The following STAG1 variants were observed in gnomAD, a reference collection of about 807,000 sequenced individuals.
STAG1 encodes STAG1 cohesin complex component.
STAG1 carries 26 observed loss-of-function variants against 170.9 expected under a neutral mutation model. The ratio of observed to expected loss-of-function variants is 0.15; its 90% CI spans 0.11 to 0.21. The LOEUF is 0.21. STAG1 is among the 10% of genes least tolerant of loss of function. The pLI, the probability that STAG1 is intolerant of heterozygous loss-of-function variation, is 1.00. For synonymous variants in STAG1, 514 were observed against 497.7 expected (o/e 1.03, Z -0.44); for missense variants, 964 against 1,509.5 (o/e 0.64, Z 5.99).
intron 23 of STAG1, among the ~76,000 whole-genome samples, chr3:136,375,938 C>G (rs563936644): frequency 9.4e-5 from 14 of 149,326 alleles, no homozygotes; most frequent in Non-Finnish European, 2.1e-4. Context: ...CACTGCACAC[C>G]AGCCCGGGCA....
intron 1 of STAG1, among the ~76,000 whole-genome samples, chr3:136,631,632 G>A (rs530660137): frequency 2.1e-4 from 32 of 152,274 alleles, no homozygotes; most frequent in African/African-American, 7.2e-4. Context: ...TTGATAGTAC[G>A]GTAGGCTGTG....
At chr3:136,494,214 G>A (rs938981139) in intron 9 of STAG1, among the ~76,000 whole-genome samples, 5 of 152,016 alleles carry the variant, frequency 3.3e-5, no homozygotes, top group African/African-American at 4.8e-5. Flanking sequence ...GAGGTTCTAC[G>A]GAGTTGTGAT....
At chr3:136,519,720 T>C (rs893712832) in intron 7 of STAG1, among the ~76,000 whole-genome samples, 1 of 152,028 alleles carries the variant, frequency 6.6e-6, no homozygotes, top group Admixed American at 6.6e-5. Flanking sequence ...TAACATTATA[T>C]AACTGTTTGA....
chr3:136,666,166 C>CAACAGCCA (rs1350353803), intron 1 of STAG1, among the ~76,000 whole-genome samples: 1 of 148,112 alleles, frequency 6.8e-6, no homozygotes, highest in Non-Finnish European at 1.5e-5. Context: ...TCCCCCAAGC[C>CAACAGCCA]AACAGCCAAC....
intron 28 of STAG1, among the ~76,000 whole-genome samples, chr3:136,350,229 C>T (rs1366882137): frequency 6.6e-6 from 1 of 152,128 alleles, no homozygotes; most frequent in Non-Finnish European, 1.5e-5. Flanking sequence ...CCCTTGTTTC[C>T]TTCTCCCTGC....
At chr3:136,664,496 C>G (rs1941686686) in intron 1 of STAG1, among the ~76,000 whole-genome samples, 1 of 152,124 alleles carries the variant, frequency 6.6e-6, no homozygotes, top group African/African-American at 2.4e-5. Flanking sequence ...AGCCTGCCAC[C>G]TAGTCAACCA....
rs1227677793 is a variant in STAG1 at position 136,337,131 on chromosome 3, A to AAGCTT, written c.*1118_*1122dup. 2.6e-4 allele frequency: 39 copies of AAGCTT among 152,774 alleles called. No homozygotes were observed. The highest frequency in any genetic ancestry group is 9.4e-4 in the African/African-American group (39 of 41,578). The allele number at this position is 152,774 out of a possible 1,614,324, so 9.5% of individuals were successfully genotyped here. ...CTGAAATGTAGCTGTAATTCAAGGT[A>AAGCTT]AGCTTAGGAACTTCACCCTCTAAGC... On this transcript the variant is annotated 3_prime_UTR_variant, in exon 34 of 34. Coordinates refer to ENST00000383202, the MANE Select transcript of STAG1 (RefSeq NM_005862.3).
intron 21 of STAG1, among the ~76,000 whole-genome samples, chr3:136,401,795 TG>T (rs1001437151): frequency 6.6e-6 from 1 of 152,214 alleles, no homozygotes; most frequent in South Asian, 2.1e-4. Flanking sequence ...TTTAATTTTT[TG>T]AGATCAAGTC....
At chr3:136,698,034 A>G (rs1170519906) in intron 1 of STAG1, among the ~76,000 whole-genome samples, 1 of 152,200 alleles carries the variant, frequency 6.6e-6, no homozygotes, top group African/African-American at 2.4e-5. Flanking sequence ...AAAAAAAGAA[A>G]GAAAGAAAAT....
Position 136,367,000 on chromosome 3 carries a change from G to T in STAG1, c.2628C>A (p.Ile876=). The T allele has an allele frequency of 6.2e-7, 1 of 1,611,286 alleles. No homozygotes were observed. Among genetic ancestry groups the T allele is most frequent in the African/African-American group, 1.3e-5 (1 of 74,982 alleles). ...RNLLAAFSKL[I]IYDIVDMHAA... ...CATGCATGTCAACAATGTCATAAAT[G>T]ATAAGTTTGCTGAAAGCAGCAAGTA... Residue 876 remains isoleucine (I), a synonymous_variant, in exon 25 of 34, where the codon ATC becomes ATA. Coordinates refer to ENST00000383202, the MANE Select transcript of STAG1 (RefSeq NM_005862.3).
intron 15 of STAG1, among the ~76,000 whole-genome samples, chr3:136,439,009 C>A (rs1426519383): frequency 6.6e-6 from 1 of 151,594 alleles, no homozygotes; most frequent in African/African-American, 2.4e-5. Context: ...CCAGCCTGGC[C>A]AACATGGGGA....
rs561348657 is a variant in STAG1, at chr3:136,651,233, G to C, written c.-83-20252C>G. Among the ~76,000 whole-genome samples, 130 of 152,050 alleles carry C rather than the reference G, an allele frequency of 8.5e-4. 1 individual carries two copies. The highest frequency in any genetic ancestry group is 2.4e-4 in the Non-Finnish European group (16 of 67,998). On this transcript the variant is annotated intron_variant, in intron 1 of 33. Transcript: ENST00000383202. Reference sequence around the variant, plus strand: ...TAAACAAAATTATCCCACTGTAGTGGTGCCTGCCTGTAACTCCTGATACTT... The same window carrying C: ...TAAACAAAATTATCCCACTGTAGTGCTGCCTGCCTGTAACTCCTGATACTT...
rs540934813 is a variant in STAG1 at position 136,377,386 on chromosome 3, C to CAGAAAAAAAA, written c.2370+273_2370+274insTTTTTTTTCT. ...TGGGCGACAGAGCGAGACTCTGTCT[C>CAGAAAAAAAA]AAAAAAAAAAAAAAAAAAAGTCTAC... is the stretch of plus-strand genomic sequence containing the variant. On this transcript the variant is annotated intron_variant, in intron 23 of 33. Coordinates refer to ENST00000383202, the MANE Select transcript of STAG1 (RefSeq NM_005862.3). 1.9e-4 allele frequency among the ~76,000 whole-genome samples: 8 copies of CAGAAAAAAAA among 42,582 alleles called. 2 individuals are homozygous for CAGAAAAAAAA. In the East Asian group the frequency reaches 4.9e-3, roughly 26 times the overall value. The allele number at this position is 42,582 out of a possible 152,430, so 27.9% of individuals were successfully genotyped here.
intron 5 of STAG1, among the ~76,000 whole-genome samples, chr3:136,567,218 T>A (rs1937112265): frequency 1.3e-5 from 2 of 152,192 alleles, no homozygotes; most frequent in African/African-American, 4.8e-5. Flanking sequence ...ATCCAACAGG[T>A]CTGTTGATTA....
At chr3:136,569,286 C>T (rs996732702) in intron 4 of STAG1, among the ~76,000 whole-genome samples, 1 of 150,298 alleles carries the variant, frequency 6.7e-6, no homozygotes, top group Admixed American at 6.7e-5. Context: ...TTCAAGAGTA[C>T]AAGAATGGCT....
intron 13 of STAG1, among the ~76,000 whole-genome samples, chr3:136,455,588 C>T (rs2089086855): frequency 1.3e-5 from 2 of 152,202 alleles, no homozygotes; most frequent in South Asian, 4.1e-4. Flanking sequence ...CTGATCACAG[C>T]AACTGGTGCA....
intron 29 of STAG1, among the ~76,000 whole-genome samples, chr3:136,347,794 C>G (rs1936289762): frequency 6.6e-6 from 1 of 152,132 alleles, no homozygotes; most frequent in Non-Finnish European, 1.5e-5. Flanking sequence ...TGTGTGTATA[C>G]TAAGTAGTTT....
rs747339467 is a variant in STAG1, at chr3:136,587,541, CAAAAAAAAAA to C, written c.297+16758_297+16767del. Among the ~76,000 whole-genome samples, 252 of 60,790 alleles carry C rather than the reference CAAAAAAAAAA, an allele frequency of 4.1e-3. 1 individual carries two copies. Among genetic ancestry groups the C allele is most frequent in the Admixed American group, 7.5e-3 (39 of 5,174 alleles). 39.9% of individuals were successfully genotyped at this position (60,790 alleles called of 152,430 possible). ...GGGTAACAAGAATGAAACTCCATCTCAAAAAAAAAAAAAAAAAAAAGCAATTTATAGCTTT... is the reference window on the plus strand; with the variant it reads ...GGGTAACAAGAATGAAACTCCATCTCAAAAAAAAAAGCAATTTATAGCTTT... On this transcript the variant is annotated intron_variant, in intron 4 of 33. Coordinates refer to ENST00000383202, the MANE Select transcript of STAG1 (RefSeq NM_005862.3).
chr3:136,595,692 A>C lies in STAG1; in HGVS notation c.297+8617T>G, dbSNP rs1284002845. Among the ~76,000 whole-genome samples the C allele has an allele frequency of 5.2e-3, 527 of 101,520 alleles. 4 individuals carry two copies. Among genetic ancestry groups the C allele is most frequent in the East Asian group, 0.03 (147 of 4,844 alleles). The allele number at this position is 101,520 out of a possible 152,430, so 66.6% of individuals were successfully genotyped here. On this transcript the variant is annotated intron_variant, in intron 4 of 33. Coordinates refer to ENST00000383202, the MANE Select transcript of STAG1 (RefSeq NM_005862.3). ...ACTCCATCTCAATAAATAAATAAATAAATAAATAAATAAATAAATAAATAA... is the reference window on the plus strand; with the variant it reads ...ACTCCATCTCAATAAATAAATAAATCAATAAATAAATAAATAAATAAATAA...
Sources: gnomAD v4.1 joint callset for allele counts (sites outside exome capture counted in the v4.1 genomes callset) on GRCh38, gnomAD v4.1.1 for gene constraint, MANE v1.5 for transcripts, NCBI Gene and HGNC (gene_info 2026-07-23, HGNC 2026-07-21) for gene names.